GOPC: variants seen among roughly 807,000 people sequenced by gnomAD.
The protein encoded by GOPC is golgi associated PDZ and coiled-coil motif containing.
A neutral mutation model predicts 51.2 loss-of-function variants in GOPC; 32 were observed. The observed-to-expected ratio is 0.63, with a 90% CI of 0.47 to 0.84. GOPC has a LOEUF of 0.84. Ranked by LOEUF, GOPC falls within the 40% of genes least tolerant of loss-of-function variation. The pLI, the probability that GOPC is intolerant of heterozygous loss-of-function variation, is 0.00. For missense variants in GOPC, 441 were observed against 555.5 expected, an observed-to-expected ratio of 0.79 and a Z score of 2.07; for synonymous variants, 190 against 205.1, an observed-to-expected ratio of 0.93 and a Z score of 0.63.
rs117322147 is a variant in GOPC at position 117,562,520 on chromosome 6, A to T, written c.*734T>A. 0.013 allele frequency: 2,696 copies of T among 203,728 alleles called. 24 individuals carry two copies. The highest frequency in any genetic ancestry group is 0.02 in the Non-Finnish European group (1,954 of 99,330). The allele number at this position is 203,728 out of a possible 1,614,324, so 12.6% of individuals were successfully genotyped here. On this transcript the variant is annotated 3_prime_UTR_variant, in exon 9 of 9. Transcript: ENST00000368498. The stretch of plus-strand genomic sequence containing the variant: ...TCCAGTACTGCGCACACAGATCAAC[A>T]TAATTGAGAACAGATGTTTTACACT...
At position 117,579,051 on chromosome 6, in the gene GOPC, T is replaced by C; in HGVS notation, c.299A>G (p.Asp100Gly). 6.2e-7 allele frequency: 1 copy of C among 1,606,754 alleles called. No homozygotes were observed. The highest frequency in any genetic ancestry group is 8.5e-7 in the Non-Finnish European group (1 of 1,177,428). The change falls in exon 2 of 9, where the codon GAT becomes GGT. Residue 100 changes from aspartate (D) to glycine (G), a missense_variant. By Grantham distance (94) the Asp-to-Gly change is moderately conservative. This residue lies in a region of GOPC where 204 missense variants were observed against 219.8 expected (regional missense o/e 0.93). Coordinates refer to ENST00000368498, the MANE Select transcript of GOPC (RefSeq NM_020399.4). ...GGTTTCTGTCAGTTCAGATTTCAGA[T>C]CCACCAACTGTGCCTTATAAAGAAA... Reference protein sequence around the residue: ...INHKLEAQLVDLKSELTETQA... With the variant: ...INHKLEAQLVGLKSELTETQA...
intron 5 of GOPC, among the ~76,000 whole-genome samples, chr6:117,572,824 A>G (rs1251939648): frequency 1.3e-5 from 2 of 152,226 alleles, no homozygotes; most frequent in Admixed American, 1.3e-4. Context: ...CAGAGCCAAC[A>G]AACTATTTTA....
chr6:117,581,755 C>G (rs779551742), intron 1 of GOPC, among the ~76,000 whole-genome samples: 1 of 152,182 alleles, frequency 6.6e-6, no homozygotes, highest in Non-Finnish European at 1.5e-5. Flanking sequence ...ACTTCTCATT[C>G]TATTTCATTC....
At chr6:117,590,421 A>T (rs920859793) in intron 1 of GOPC, among the ~76,000 whole-genome samples, 1 of 151,824 alleles carries the variant, frequency 6.6e-6, no homozygotes, top group Non-Finnish European at 1.5e-5. Flanking sequence ...AATTACCAAG[A>T]ATTAGCTGGG....
chr6:117,580,709 AG>A (rs1291420071), intron 1 of GOPC, among the ~76,000 whole-genome samples: 3 of 152,184 alleles, frequency 2.0e-5, no homozygotes, highest in Middle Eastern at 3.2e-3. Context: ...GTACAACCAT[AG>A]TTACTACATA....
intron 1 of GOPC, among the ~76,000 whole-genome samples, chr6:117,593,934 C>T (rs1201148022): frequency 1.3e-5 from 2 of 152,050 alleles, no homozygotes; most frequent in African/African-American, 2.4e-5. Flanking sequence ...TATCTTACTC[C>T]ACACTATCAT....
At position 117,566,529 on chromosome 6, in the gene GOPC, T is replaced by C. The variant is rs1297819968; in HGVS notation, c.1258+325A>G. Among the ~76,000 whole-genome samples the C allele has an allele frequency of 2.6e-5, 4 of 152,270 alleles. No individual in the cohort carries two copies. The East Asian group carries it at 7.7e-4, about 29-fold the overall frequency. ...AATTTGCATCAAGACAGACAGACAA[T>C]GTAGTCTACAAGATAGATCTACTCA... On this transcript the variant is annotated intron_variant, in intron 8 of 8. Coordinates refer to ENST00000368498, the MANE Select transcript of GOPC (RefSeq NM_020399.4).
rs764236683 is a variant in GOPC, at chr6:117,602,243, CT to C, written c.45del (p.Gly17AlafsTer54). On this transcript the variant is annotated frameshift_variant, in exon 1 of 9. Transcript: ENST00000368498. LOFTEE classifies it high-confidence loss of function. The part of the protein sequence containing the change: ...GPCPAAAGGG[P>X]GGASCSVGAP... ...GCCCCCACGGAGCAGGAGGCGCCCCCTGGGCCCCCTCCGGCTGCTGCTGGGC... is the reference window on the plus strand; with the variant it reads ...GCCCCCACGGAGCAGGAGGCGCCCCCGGGCCCCCTCCGGCTGCTGCTGGGC... The C allele has an allele frequency of 6.2e-7, 1 of 1,601,634 alleles. No homozygotes were observed. Among genetic ancestry groups the C allele is most frequent in the Non-Finnish European group, 8.5e-7 (1 of 1,179,546 alleles).
intron 8 of GOPC, among the ~76,000 whole-genome samples, chr6:117,565,103 T>A (rs1470818847): frequency 6.6e-6 from 1 of 152,126 alleles, no homozygotes; most frequent in Non-Finnish European, 1.5e-5. Flanking sequence ...TTGTTAAAAA[T>A]GACAATAAAT....
At chr6:117,583,311 C>A (rs1562144222) in intron 1 of GOPC, among the ~76,000 whole-genome samples, 1 of 152,226 alleles carries the variant, frequency 6.6e-6, no homozygotes, top group African/African-American at 2.4e-5. Context: ...AAATATCCTG[C>A]ATCAATATGA....
At position 117,563,268 on chromosome 6, in the gene GOPC, T is replaced by C; in HGVS notation, c.1375A>G (p.Lys459Glu). The change falls in exon 9 of 9, where the codon AAA (lysine) becomes GAA (glutamate). Residue 459 changes from lysine to glutamate, a missense_variant. This residue lies in a region of GOPC where 71 missense variants were observed against 68.8 expected (regional missense o/e 1.03). Coordinates refer to ENST00000368498, the MANE Select transcript of GOPC (RefSeq NM_020399.4). ...KLDDLHTLYH[K>E]KSY ...ATATGGTCAATTTAATAAGATTTTT[T>C]ATGATACAGAGTGTGCAGATCATCT... 1.2e-6 allele frequency: 2 copies of C among 1,613,304 alleles called. No individual in the cohort carries two copies. The highest frequency in any genetic ancestry group is 1.7e-6 in the Non-Finnish European group (2 of 1,179,390).
Position 117,602,009 on chromosome 6 carries a change from G to A in GOPC, c.280C>T (p.Leu94=). 6.2e-7 allele frequency: 1 copy of A among 1,614,100 alleles called. No individual in the cohort carries two copies. The highest frequency in any genetic ancestry group is 8.5e-7 in the Non-Finnish European group (1 of 1,179,966). Reference sequence around the variant, plus strand: ...CGCCAGCACCCACGGCTCACCTCCAGCTTGTGGTTGATTTGAGACACAGAC... The same window carrying A: ...CGCCAGCACCCACGGCTCACCTCCAACTTGTGGTTGATTTGAGACACAGAC... The part of the protein sequence containing the change: ...AQSVSQINHK[L]EAQLVDLKSE... The change falls in exon 1 of 9, where the codon CTG becomes TTG. Residue 94 remains leucine, a synonymous_variant. Transcript: ENST00000368498.
At chr6:117,564,580 G>A (rs1055786023) in intron 8 of GOPC, among the ~76,000 whole-genome samples, 2 of 152,084 alleles carry the variant, frequency 1.3e-5, no homozygotes, top group Admixed American at 1.3e-4. Context: ...ATAGACGTGT[G>A]AAACAATAAC....
rs1189969777 is a variant in GOPC, at chr6:117,562,352, GAACTTTTACT to G, written c.*892_*901del. 2 of 199,182 alleles carry G rather than the reference GAACTTTTACT, an allele frequency of 1.0e-5. No homozygotes were observed. Among genetic ancestry groups the G allele is most frequent in the African/African-American group, 4.6e-5 (2 of 43,410 alleles). 12.3% of individuals were successfully genotyped at this position (199,182 alleles called of 1,614,324 possible). A position where few individuals can be genotyped will look rare whatever the true frequency, so the allele number is the denominator to read the frequency against. On this transcript the variant is annotated 3_prime_UTR_variant, in exon 9 of 9. Coordinates refer to ENST00000368498, the MANE Select transcript of GOPC (RefSeq NM_020399.4). ...TGTTTCATGACATAGTAATAAATCT[GAACTTTTACT>G]ACCAGAAAAATTTGTCTTTAAGTGC...
rs984076608 is a variant in GOPC, at chr6:117,570,518, C to G, written c.912+342G>C. 2.4e-4 allele frequency among the ~76,000 whole-genome samples: 36 copies of G among 151,854 alleles called. 1 individual carries two copies. Among genetic ancestry groups the G allele is most frequent in the Admixed American group, 2.3e-3 (35 of 15,220 alleles). On this transcript the variant is annotated intron_variant, in intron 6 of 8. Transcript: ENST00000368498. ...AGGCAAGAGAAAGATACACGTACTC[C>G]GAGAGAGAACAATACAATCTGAAGC...
At chr6:117,588,045 T>G (rs1414428649) in intron 1 of GOPC, among the ~76,000 whole-genome samples, 2 of 152,064 alleles carry the variant, frequency 1.3e-5, no homozygotes, top group Non-Finnish European at 2.9e-5. Flanking sequence ...TAAATTTTTT[T>G]GTATTTTTTG....
At chr6:117,582,273 T>C (rs369520332) in intron 1 of GOPC, among the ~76,000 whole-genome samples, 11 of 119,210 alleles carry the variant, frequency 9.2e-5, no homozygotes, top group East Asian at 2.5e-4. Flanking sequence ...CCTCCCCCCC[T>C]ACACACACAC....
rs961235029 is a variant in GOPC, at chr6:117,584,318, T to A, written c.286-5254A>T. 3.5e-4 allele frequency among the ~76,000 whole-genome samples: 53 copies of A among 152,172 alleles called. 1 individual carries two copies. Among genetic ancestry groups the A allele is most frequent in the Admixed American group, 9.2e-4 (14 of 15,284 alleles). ...TGGAGATACTGTCAGATCCCACAGA[T>A]TGAGGGCTCTGTCCTACAAGACTGC... On this transcript the variant is annotated intron_variant, in intron 1 of 8. Transcript: ENST00000368498.
At chr6:117,588,979 C>A (rs970427469) in intron 1 of GOPC, among the ~76,000 whole-genome samples, 4 of 152,018 alleles carry the variant, frequency 2.6e-5, no homozygotes, top group African/African-American at 9.7e-5. Context: ...CTTCCCTGGG[C>A]CACACTGGGA....
Sources: gnomAD v4.1 joint callset for allele counts (sites outside exome capture counted in the v4.1 genomes callset) on GRCh38, gnomAD v4.1.1 for gene constraint, gnomAD v4.1.1 regional missense constraint, MANE v1.5 for transcripts, NCBI Gene and HGNC (gene_info 2026-07-23, HGNC 2026-07-21) for gene names.